Variants in FAM210B observed in about 807,000 individuals in gnomAD.
FAM210B encodes mitochondrial inner membrane scaffold 2.
In FAM210B, 11 loss-of-function variants were observed where a neutral mutation model predicts 14.9. That is an observed-to-expected ratio of 0.74 (90% CI 0.46 to 1.22). The LOEUF is 1.22. FAM210B is among the 50% of genes most tolerant of loss of function. The pLI is 0.00. For synonymous variants in FAM210B, 113 were observed against 110.2 expected (o/e 1.03, Z -0.16); for missense variants, 229 against 250.1 (o/e 0.92, Z 0.57).
intron 2 of FAM210B, among the ~76,000 whole-genome samples, chr20:56,365,831 CAA>C (rs1477978250): frequency 9.9e-5 from 15 of 151,552 alleles, no homozygotes; most frequent in African/African-American, 3.4e-4. Context: ...TGTGTTGAGA[CAA>C]GAGTCTTGCT....
Position 56,368,282 on chromosome 20 carries a change from C to A in FAM210B, c.*1995C>A, listed in dbSNP as rs1166999266. The stretch of plus-strand genomic sequence containing the variant: ...GCAATTCCTTGGCTTCGGCTCCTCA[C>A]CACTTTCTATGCCAGTCTCCCATTT... On this transcript the variant is annotated 3_prime_UTR_variant, in exon 3 of 3. Transcript: ENST00000371384. The A allele has an allele frequency of 1.3e-5, 2 of 152,408 alleles. No homozygotes were observed. The highest frequency in any genetic ancestry group is 1.5e-5 in the Non-Finnish European group (1 of 68,006). 9.4% of individuals were successfully genotyped at this position (152,408 alleles called of 1,614,324 possible). A position where few individuals can be genotyped will look rare whatever the true frequency, so the allele number is the denominator to read the frequency against.
chr20:56,359,292 G>T lies in FAM210B; in HGVS notation c.186+101G>T, dbSNP rs1016778817. 1.7e-5 allele frequency: 19 copies of T among 1,125,392 alleles called. No homozygotes were observed. Among genetic ancestry groups the T allele is most frequent in the Middle Eastern group, 6.9e-4 (2 of 2,910 alleles). The allele number at this position is 1,125,392 out of a possible 1,614,324, so 69.7% of individuals were successfully genotyped here. Reference sequence around the variant, plus strand: ...GGCCGCCTCCGCCAAGGACGCCTTTGCACTTGTAGCTGCCCGGGACCGAGC... The same window carrying T: ...GGCCGCCTCCGCCAAGGACGCCTTTTCACTTGTAGCTGCCCGGGACCGAGC... On this transcript the variant is annotated intron_variant, in intron 1 of 2. Transcript: ENST00000371384. This position sits in a 1 kb window ranked among gnomAD's most constrained non-coding sequence, Gnocchi z 4.3.
intron 2 of FAM210B, 47 bp downstream of exon 2, chr20:56,365,309 A>G (rs950890056): frequency 6.3e-7 from 1 of 1,576,348 alleles, no homozygotes; most frequent in African/African-American, 1.4e-5. Flanking sequence ...CTGTCATGTA[A>G]GATTCTATGT....
At chr20:56,365,317 T>C (rs1983608056) in intron 2 of FAM210B, 55 bp downstream of exon 2, 3 of 1,567,482 alleles carry the variant, frequency 1.9e-6, no homozygotes, top group Non-Finnish European at 2.6e-6. Context: ...TAAGATTCTA[T>C]GTGAATAAGA....
chr20:56,360,922 C>A (rs114448345), intron 1 of FAM210B, among the ~76,000 whole-genome samples: 1 of 152,188 alleles, frequency 6.6e-6, no homozygotes, highest in African/African-American at 2.4e-5. Flanking sequence ...CGCCCACCCT[C>A]GTCGGGAGGT....
Position 56,359,304 on chromosome 20 carries a change from G to A in FAM210B, c.186+113G>A. ...CAAGGACGCCTTTGCACTTGTAGCT[G>A]CCCGGGACCGAGCTCTTCCAGGGTC... is the stretch of plus-strand genomic sequence containing the variant. On this transcript the variant is annotated intron_variant, in intron 1 of 2. Coordinates refer to ENST00000371384, the MANE Select transcript of FAM210B (RefSeq NM_080821.3). The surrounding 1 kb of genome is among the most constrained non-coding windows in gnomAD (Gnocchi z 4.3). 9.3e-7 allele frequency: 1 copy of A among 1,070,392 alleles called. No individual in the cohort carries two copies. The highest frequency in any genetic ancestry group is 1.2e-6 in the Non-Finnish European group (1 of 850,794). 66.3% of individuals were successfully genotyped at this position (1,070,392 alleles called of 1,614,324 possible).
intron 1 of FAM210B, 135 bp from the exon 2 acceptor site, chr20:56,364,952 T>C: frequency 2.3e-6 from 2 of 867,330 alleles, no homozygotes; most frequent in Non-Finnish European, 3.4e-6. Context: ...AGACTCTGTC[T>C]CAAAAGAAAA....
At position 56,366,252 on chromosome 20, in the gene FAM210B, G is replaced by C. The variant is rs1322118108; in HGVS notation, c.544G>C (p.Val182Leu). The change falls in exon 3 of 3, where the codon GTG becomes CTG. Residue 182 changes from valine to leucine, a missense_variant. Val to Leu is a conservative substitution (Grantham distance 32). Around this residue, in one of 3 missense-constraint regions of FAM210B, gnomAD observed 53 missense variants for 55.4 expected, o/e 0.96. Coordinates refer to ENST00000371384, the MANE Select transcript of FAM210B (RefSeq NM_080821.3). The part of the protein sequence containing the change: ...VPLIVRYFRK[V>L]GFFKPPAAKP Reference sequence around the variant, plus strand: ...CTTGATTGTCAGATATTTTCGAAAAGTGGGATTTTTTAAACCTCCAGCTGC... The same window carrying C: ...CTTGATTGTCAGATATTTTCGAAAACTGGGATTTTTTAAACCTCCAGCTGC... 6.2e-7 allele frequency: 1 copy of C among 1,614,174 alleles called. No individual in the cohort carries two copies. Among genetic ancestry groups the C allele is most frequent in the African/African-American group, 1.3e-5 (1 of 75,036 alleles).
Position 56,358,974 on chromosome 20 carries a change from A to G in FAM210B, c.-32A>G. ...CCGGCCTCCGCCCGCCTCCCGGGTC[A>G]GCGGCGCGGGTGCTGCGCCTAGCTG... is the stretch of plus-strand genomic sequence containing the variant. On this transcript the variant is annotated 5_prime_UTR_variant, in exon 1 of 3. Coordinates refer to ENST00000371384, the MANE Select transcript of FAM210B (RefSeq NM_080821.3). 1 of 1,174,706 alleles carries G rather than the reference A, an allele frequency of 8.5e-7. No individual in the cohort carries two copies. The allele number at this position is 1,174,706 out of a possible 1,614,324, so 72.8% of individuals were successfully genotyped here.
rs6099114 is a variant in FAM210B, at chr20:56,366,068, T to C, written c.363-3T>C. 0.18 allele frequency: 287,591 copies of C among 1,605,664 alleles called. 31,814 individuals are homozygous for C. The highest frequency in any genetic ancestry group is 0.51 in the African/African-American group (37,833 of 74,492). On this transcript the variant is annotated splice_region_variant and splice_polypyrimidine_tract_variant and intron_variant, in intron 2 of 2. Transcript: ENST00000371384. ...ATTGTTTTCTTTGCTTCTTCCCCCC[T>C]AGTGGTGTGGACATGCCTGCAATCC...
At position 56,368,343 on chromosome 20, in the gene FAM210B, GAAA is replaced by G. The variant is rs1390723054; in HGVS notation, c.*2062_*2064del. 112 of 147,264 alleles carry G rather than the reference GAAA, an allele frequency of 7.6e-4. No individual in the cohort carries two copies. Among genetic ancestry groups the G allele is most frequent in the African/African-American group, 2.8e-3 (108 of 39,000 alleles). The allele number at this position is 147,264 out of a possible 1,614,324, so 9.1% of individuals were successfully genotyped here. The stretch of plus-strand genomic sequence containing the variant: ...TAATGCCTATGCAAAAAAAAAAAAA[GAAA>G]AAAAAGAAAAACTGATGGTGAAACC... On this transcript the variant is annotated 3_prime_UTR_variant, in exon 3 of 3. Transcript: ENST00000371384.
chr20:56,365,420 G>A (rs879531452), intron 2 of FAM210B, among the ~76,000 whole-genome samples, 158 bp downstream of exon 2: 12 of 151,312 alleles, frequency 7.9e-5, no homozygotes, highest in Non-Finnish European at 1.3e-4. Context: ...CTGCAGTCTC[G>A]ACCTCCCTGG....
rs938218339 is a variant in FAM210B, at chr20:56,359,017, G to A, written c.12G>A (p.Leu4=). 7.5e-7 allele frequency: 1 copy of A among 1,329,628 alleles called. No individual in the cohort carries two copies. The highest frequency in any genetic ancestry group is 9.7e-7 in the Non-Finnish European group (1 of 1,034,550). The allele number at this position is 1,329,628 out of a possible 1,614,324, so 82.4% of individuals were successfully genotyped here. A position where few individuals can be genotyped will look rare whatever the true frequency, so the allele number is the denominator to read the frequency against. The change falls in exon 1 of 3, where the codon TTG becomes TTA. Residue 4 remains leucine, a synonymous_variant. Coordinates refer to ENST00000371384, the MANE Select transcript of FAM210B (RefSeq NM_080821.3). The surrounding 1 kb of genome is among the most constrained non-coding windows in gnomAD (Gnocchi z 4.3). ...CCTAGCTGCGCACCATGGCCGGGTTGCTGGCGTTGCTGGGTCCGGCAGGCA... is the reference window on the plus strand; with the variant it reads ...CCTAGCTGCGCACCATGGCCGGGTTACTGGCGTTGCTGGGTCCGGCAGGCA... MAG[L]LALLGPAGRV... is the part of the protein sequence containing the mutation.
rs571784488 is a variant in FAM210B at position 56,361,529 on chromosome 20, C to T, written c.186+2338C>T. On this transcript the variant is annotated intron_variant, in intron 1 of 2. Coordinates refer to ENST00000371384, the MANE Select transcript of FAM210B (RefSeq NM_080821.3). Reference sequence around the variant, plus strand: ...GCAAAGGCCCTGGACCCAGACTCAGCGAGTTTGGATCCCAGCTCTGACAGT... The same window carrying T: ...GCAAAGGCCCTGGACCCAGACTCAGTGAGTTTGGATCCCAGCTCTGACAGT... Among the ~76,000 whole-genome samples the T allele has an allele frequency of 2.6e-5, 4 of 152,224 alleles. No homozygotes were observed. In the South Asian group the frequency reaches 6.2e-4, roughly 24 times the overall value.
At position 56,363,574 on chromosome 20, in the gene FAM210B, T is replaced by C. The variant is rs768509454; in HGVS notation, c.187-1513T>C. 8.5e-5 allele frequency among the ~76,000 whole-genome samples: 13 copies of C among 152,256 alleles called. No homozygotes were observed. The highest frequency in any genetic ancestry group is 1.8e-4 in the Non-Finnish European group (12 of 68,046). On this transcript the variant is annotated intron_variant, in intron 1 of 2. Coordinates refer to ENST00000371384, the MANE Select transcript of FAM210B (RefSeq NM_080821.3). This position sits in a 1 kb window ranked among gnomAD's most constrained non-coding sequence, Gnocchi z 4.1. ...GCCGGGACAAGCCCCAGGACTGTCC[T>C]TAGAGAAGTCTTTTGATTAAAGTGC...
At position 56,359,080 on chromosome 20, in the gene FAM210B, C is replaced by G; in HGVS notation, c.75C>G (p.Leu25=). The change falls in exon 1 of 3, where the codon CTC becomes CTG. Residue 25 remains leucine, a synonymous_variant. Coordinates refer to ENST00000371384, the MANE Select transcript of FAM210B (RefSeq NM_080821.3). The surrounding 1 kb of genome is among the most constrained non-coding windows in gnomAD (Gnocchi z 4.3). ...GARVRPRATW[L]LGATAPCAPP... ...GGGTCCGGCCTCGCGCCACCTGGCT[C>G]CTGGGCGCCACCGCCCCCTGCGCCC... The G allele has an allele frequency of 7.4e-7, 1 of 1,354,172 alleles. No individual in the cohort carries two copies. The highest frequency in any genetic ancestry group is 9.5e-7 in the Non-Finnish European group (1 of 1,049,422). The allele number at this position is 1,354,172 out of a possible 1,614,324, so 83.9% of individuals were successfully genotyped here.
At chr20:56,361,847 C>A (rs1356877593) in intron 1 of FAM210B, among the ~76,000 whole-genome samples, 2 of 151,920 alleles carry the variant, frequency 1.3e-5, no homozygotes, top group Non-Finnish European at 2.9e-5. Flanking sequence ...CATAGTGGCA[C>A]GTGCCTGTAG....
Position 56,367,127 on chromosome 20 carries a change from T to G in FAM210B, c.*840T>G, listed in dbSNP as rs1569025013. 6.6e-6 allele frequency: 1 copy of G among 152,554 alleles called. No homozygotes were observed. Among genetic ancestry groups the G allele is most frequent in the African/African-American group, 2.4e-5 (1 of 41,456 alleles). The allele number at this position is 152,554 out of a possible 1,614,324, so 9.5% of individuals were successfully genotyped here. On this transcript the variant is annotated 3_prime_UTR_variant, in exon 3 of 3. Coordinates refer to ENST00000371384, the MANE Select transcript of FAM210B (RefSeq NM_080821.3). ...GACATTCCAGAATTGTCATGATGTT[T>G]ACACTGTCTGAGTTAAAAATCCTGT...
In FAM210B at chr20:56,359,134, G is replaced by T. The variant is rs1272668092; in HGVS notation, c.129G>T (p.Pro43=). 6.3e-6 allele frequency: 8 copies of T among 1,274,272 alleles called. No homozygotes were observed. The South Asian group carries it at 1.2e-4, about 19-fold the overall frequency. 78.9% of individuals were successfully genotyped at this position (1,274,272 alleles called of 1,614,324 possible). A position where few individuals can be genotyped will look rare whatever the true frequency, so the allele number is the denominator to read the frequency against. Residue 43 remains proline, a synonymous_variant, in exon 1 of 3, where the codon CCG becomes CCT. Transcript: ENST00000371384. The surrounding 1 kb of genome is among the most constrained non-coding windows in gnomAD (Gnocchi z 4.3). ...CGCCCCTGGCCCTGGCCCTGCTCCC[G>T]CCCAGGCTAGACGCCCGGCTGCTCC... is the stretch of plus-strand genomic sequence containing the variant. ...APPPLALALL[P]PRLDARLLRT...
Sources: gnomAD v4.1 joint callset for allele counts (sites outside exome capture counted in the v4.1 genomes callset) on GRCh38, gnomAD v4.1.1 for gene constraint, gnomAD v4.1.1 regional missense constraint, Gnocchi (gnomAD v3.1) non-coding constraint, MANE v1.5 for transcripts, NCBI Gene and HGNC (gene_info 2026-07-23, HGNC 2026-07-21) for gene names.